The following CELF2 variants were observed in gnomAD, a reference collection of about 807,000 sequenced individuals.
CELF2 encodes CUGBP Elav-like family member 2, also known as CUG triplet repeat RNA-binding protein 2.
In CELF2, 8 loss-of-function variants were observed where a neutral mutation model predicts 62.6. That is an observed-to-expected ratio of 0.13 (90% confidence interval 0.07 to 0.23). The LOEUF is 0.23. Ranked by LOEUF, CELF2 falls within the 10% of genes least tolerant of loss-of-function variation. CELF2 has a pLI of 1.00. For missense variants in CELF2, 333 were observed against 671.0 expected (o/e 0.50, Z 5.56); for synonymous variants, 258 against 250.0 (o/e 1.03, Z -0.30).
the CELF2 span, among the ~76,000 whole-genome samples, chr10:10,717,474 A>G: frequency 1.3e-5 from 2 of 152,158 alleles, no homozygotes; most frequent in African/African-American, 4.8e-5. Flanking sequence ...ACTTTTATTC[A>G]TGAAAGAAAA....
At chr10:10,663,391 T>C in the CELF2 span, among the ~76,000 whole-genome samples, 1 of 152,188 alleles carries the variant, frequency 6.6e-6, no homozygotes, top group Non-Finnish European at 1.5e-5. Context: ...ATCCAGGATA[T>C]TCATACACTG....
the CELF2 span, among the ~76,000 whole-genome samples, chr10:10,617,372 G>A: frequency 3.3e-5 from 5 of 152,148 alleles, no homozygotes; most frequent in Non-Finnish European, 7.3e-5. Flanking sequence ...CTGGGCACAA[G>A]AGGTTAGGTA....
rs147677000 is a variant in CELF2 at position 10,827,098 on chromosome 10, G to GTTGT, written c.53+28308_53+28311dup. 3.4e-3 allele frequency among the ~76,000 whole-genome samples: 515 copies of GTTGT among 151,320 alleles called. 4 individuals carry two copies. The highest frequency in any genetic ancestry group is 8.9e-3 in the African/African-American group (364 of 41,116). On this transcript the variant is annotated intron_variant, in intron 1 of 13. Transcript: ENST00000636488. ...GGAAATTTTATTGAGATCAAAGAGGGTTGTTTGTTTGTTTGTTTGTTTGTT... is the reference window on the plus strand; with the variant it reads ...GGAAATTTTATTGAGATCAAAGAGGGTTGTTTGTTTGTTTGTTTGTTTGTTTGTT...
rs972547552 is a variant in CELF2, at chr10:11,316,832, G to A, written c.1096+2574G>A. The A allele has an allele frequency of 1.3e-5, 2 of 152,194 alleles. No individual in the cohort carries two copies. Among genetic ancestry groups the A allele is most frequent in the Non-Finnish European group, 2.9e-5 (2 of 68,034 alleles). 9.4% of individuals were successfully genotyped at this position (152,194 alleles called of 1,614,324 possible). ...AGTAGACAAGTAGCTCAATTAAACTGTTTGAGTTTGATATCCTTTTTATTC... is the reference window on the plus strand; with the variant it reads ...AGTAGACAAGTAGCTCAATTAAACTATTTGAGTTTGATATCCTTTTTATTC... On this transcript the variant is annotated intron_variant, in intron 10 of 12. Transcript: ENST00000633077. The surrounding 1 kb of genome is among the most constrained non-coding windows in gnomAD (Gnocchi z 4.4).
intron 1 of CELF2, among the ~76,000 whole-genome samples, chr10:11,047,476 A>G (rs2063075574): frequency 1.3e-5 from 2 of 152,082 alleles, no homozygotes; most frequent in Non-Finnish European, 2.9e-5. Flanking sequence ...TATGGAAGAG[A>G]GCGATTTCTA....
Position 11,005,366 on chromosome 10 carries a change from T to C in CELF2, c.-22T>C. 6.2e-7 allele frequency: 1 copy of C among 1,613,798 alleles called. No homozygotes were observed. Among genetic ancestry groups the C allele is most frequent in the Non-Finnish European group, 8.5e-7 (1 of 1,179,796 alleles). ...GAGCATACTTCTGAACTGGCTTTTG[T>C]TGAGACTATCAGTATAGAAGCATGC... is the stretch of plus-strand genomic sequence containing the variant. On this transcript the variant is annotated 5_prime_UTR_variant, in exon 1 of 13. Transcript: ENST00000416382. This position sits in a 1 kb window ranked among gnomAD's most constrained non-coding sequence, Gnocchi z 4.3.
chr10:10,562,431 C>G, the CELF2 span, among the ~76,000 whole-genome samples: 1 of 152,192 alleles, frequency 6.6e-6, no homozygotes, highest in Non-Finnish European at 1.5e-5. Flanking sequence ...TTGTATCAAT[C>G]TTCCCAATCA....
chr10:10,530,086 A>G, the CELF2 span, among the ~76,000 whole-genome samples: 4 of 152,292 alleles, frequency 2.6e-5, no homozygotes, highest in South Asian at 8.3e-4. Context: ...CCAGACCCCA[A>G]AAGAGGGTTC....
At chr10:11,251,555 T>C (rs1461660213) in intron 4 of CELF2, among the ~76,000 whole-genome samples, 6 of 152,010 alleles carry the variant, frequency 3.9e-5, no homozygotes, top group Admixed American at 3.3e-4. Flanking sequence ...AAATGCTGTT[T>C]TTCAAGCAGC....
chr10:11,026,102 G>A (rs909597020), intron 1 of CELF2, among the ~76,000 whole-genome samples: 5 of 152,220 alleles, frequency 3.3e-5, no homozygotes, highest in Admixed American at 2.0e-4. Flanking sequence ...TGGACAGTTG[G>A]GCCTCCACGG....
At chr10:10,629,261 C>T in the CELF2 span, among the ~76,000 whole-genome samples, 1 of 152,112 alleles carries the variant, frequency 6.6e-6, no homozygotes, top group Non-Finnish European at 1.5e-5. Flanking sequence ...TAACTTTGGG[C>T]CTCCGCCCTG....
chr10:10,746,821 T>C, the CELF2 span, among the ~76,000 whole-genome samples: 1 of 152,234 alleles, frequency 6.6e-6, no homozygotes, highest in Non-Finnish European at 1.5e-5. Context: ...AATAGATAAC[T>C]GTTTAGGTTG....
At chr10:11,135,597 G>A (rs190643041) in intron 1 of CELF2, among the ~76,000 whole-genome samples, 25 of 152,312 alleles carry the variant, frequency 1.6e-4, no homozygotes, top group African/African-American at 4.3e-4. Context: ...AATAGCCACC[G>A]TCATTTGTGC....
At chr10:10,528,159 TTG>T in the CELF2 span, among the ~76,000 whole-genome samples, 1 of 41,740 alleles carries the variant, frequency 2.4e-5, no homozygotes, top group African/African-American at 5.4e-5. Flanking sequence ...GATTCCTGTT[TTG>T]TGTGTGTGTG....
chr10:11,165,810 CG>C lies in CELF2; in HGVS notation c.271+130del, dbSNP rs2066930102. The C allele has an allele frequency of 1.1e-6, 1 of 875,458 alleles. No homozygotes were observed. The highest frequency in any genetic ancestry group is 1.8e-5 in the South Asian group (1 of 56,656). The allele number at this position is 875,458 out of a possible 1,614,324, so 54.2% of individuals were successfully genotyped here. ...GAGGGCTGGAAGCAGCCGGTGCTGG[CG>C]GCCCCTGTGCTCCAGGGGCTGCTCC... On this transcript the variant is annotated intron_variant, in intron 2 of 12. Transcript: ENST00000633077. This position sits in a 1 kb window ranked among gnomAD's most constrained non-coding sequence, Gnocchi z 7.4.
chr10:11,313,064 T>C (rs779137097), intron 9 of CELF2, among the ~76,000 whole-genome samples: 25 of 152,206 alleles, frequency 1.6e-4, no homozygotes, highest in Non-Finnish European at 3.2e-4. Flanking sequence ...GTATTAGAGA[T>C]GTAGCCAAAA....
intron 3 of CELF2, among the ~76,000 whole-genome samples, chr10:11,229,418 C>G (rs1480351760): frequency 1.3e-5 from 2 of 152,040 alleles, no homozygotes; most frequent in Non-Finnish European, 2.9e-5. Context: ...TATAAAGAAC[C>G]GATGAAGACA....
chr10:10,545,402 C>A, the CELF2 span, among the ~76,000 whole-genome samples: 1 of 152,070 alleles, frequency 6.6e-6, no homozygotes, highest in African/African-American at 2.4e-5. Flanking sequence ...GGATTTCTGC[C>A]TACAATCAAA....
At chr10:10,533,685 A>G in the CELF2 span, among the ~76,000 whole-genome samples, 2 of 152,220 alleles carry the variant, frequency 1.3e-5, no homozygotes, top group Non-Finnish European at 2.9e-5. Context: ...TTAGGAAGAA[A>G]GAATCAGAGA....
Sources: gnomAD v4.1 joint callset for allele counts (sites outside exome capture counted in the v4.1 genomes callset) on GRCh38, gnomAD v4.1.1 for gene constraint, Gnocchi (gnomAD v3.1) non-coding constraint, MANE v1.5 for transcripts, NCBI Gene and HGNC (gene_info 2026-07-23, HGNC 2026-07-21) for gene names.